MYH13: variants seen among roughly 807,000 people sequenced by gnomAD.
MYH13 encodes myosin heavy chain 13, also known as myosin-13.
A neutral mutation model predicts 232.1 loss-of-function variants in MYH13; 177 were observed. The ratio of observed to expected loss-of-function variants is 0.76; its 90% confidence interval spans 0.67 to 0.86. MYH13 has a LOEUF of 0.86. MYH13 is among the 40% of genes least tolerant of loss of function. The probability of loss-of-function intolerance (pLI) is 0.00; values close to 1 mark genes in which losing one functional copy is unlikely to be tolerated. For synonymous variants in MYH13, 884 were observed against 923.5 expected (o/e 0.96, Z 0.78); for missense variants, 2,246 against 2,405.9 (o/e 0.93, Z 1.39).
chr17:10,366,334 C>A (rs544424539), intron 2 of MYH13, among the ~76,000 whole-genome samples: 1 of 151,230 alleles, frequency 6.6e-6, no homozygotes, highest in African/African-American at 2.4e-5. Flanking sequence ...CACACACACA[C>A]GCACACCCAC....
intron 11 of MYH13, among the ~76,000 whole-genome samples, chr17:10,353,955 G>GGAAGGAAA (rs1181360694): frequency 6.0e-5 from 9 of 150,634 alleles, no homozygotes; most frequent in African/African-American, 2.0e-4. Context: ...AAGGAAGGAA[G>GGAAGGAAA]GAAGGAAGGA....
intron 5 of MYH13, among the ~76,000 whole-genome samples, chr17:10,361,427 G>T (rs2071792473): frequency 6.6e-6 from 1 of 152,022 alleles, no homozygotes; most frequent in Admixed American, 6.5e-5. Flanking sequence ...GAGTAGCTGG[G>T]ATTACAGGCA....
intron 10 of MYH13, 53 bp from the exon 11 acceptor site, chr17:10,354,836 G>GTTT: frequency 6.3e-7 from 1 of 1,580,748 alleles, no homozygotes; most frequent in Non-Finnish European, 8.6e-7. Context: ...ACTCTGGGTT[G>GTTT]TTTTTTTTTT....
chr17:10,370,744 G>C (rs1031684037), intron 2 of MYH13, among the ~76,000 whole-genome samples: 1 of 152,098 alleles, frequency 6.6e-6, no homozygotes, highest in African/African-American at 2.4e-5. Context: ...ATAAACACAC[G>C]TTTTAAGGGG....
chr17:10,343,149 A>G (rs2071632630), intron 16 of MYH13, among the ~76,000 whole-genome samples: 1 of 151,852 alleles, frequency 6.6e-6, no homozygotes, highest in African/African-American at 2.4e-5. Context: ...AAATGTTCTC[A>G]AATTCCACAG....
At chr17:10,325,230 TC>T (rs372645379) in intron 22 of MYH13, among the ~76,000 whole-genome samples, 76 of 152,372 alleles carry the variant, frequency 5.0e-4, no homozygotes, top group African/African-American at 1.8e-3. Context: ...ATCTCACTCT[TC>T]CTGCTACCAC....
At chr17:10,321,789 T>A in intron 23 of MYH13, 81 bp from the exon 24 acceptor site, 1 of 1,322,034 alleles carries the variant, frequency 7.6e-7, no homozygotes. Context: ...GCTTCTTTGC[T>A]CATTTTTCCT....
chr17:10,314,541 G>T (rs549231156), intron 29 of MYH13, among the ~76,000 whole-genome samples: 1 of 152,282 alleles, frequency 6.6e-6, no homozygotes, highest in African/African-American at 2.4e-5. Context: ...TTCAGGCTTG[G>T]GTTCTCACCA....
At chr17:10,320,908 G>T (rs1445103358) in intron 24 of MYH13, among the ~76,000 whole-genome samples, 2 of 152,214 alleles carry the variant, frequency 1.3e-5, no homozygotes, top group Non-Finnish European at 2.9e-5. Flanking sequence ...TGGGAGGCAA[G>T]GAATTCGTGT....
chr17:10,368,939 G>C (rs1196116453), intron 2 of MYH13, among the ~76,000 whole-genome samples: 2 of 152,164 alleles, frequency 1.3e-5, no homozygotes, highest in Non-Finnish European at 2.9e-5. Context: ...CTGATTTTTT[G>C]ATAAGGTCCT....
At position 10,312,717 on chromosome 17, in the gene MYH13, T is replaced by C; in HGVS notation, c.4222A>G (p.Thr1408Ala). Reference protein sequence around the residue: ...AQRLQEAEENTETANSKCASL... With the variant: ...AQRLQEAEENAETANSKCASL... ...GCGCACTTGGAGTTCGCCGTCTCCGTGTTCTCCTCTGCTTCCTGGAGCCTC... is the reference window on the plus strand; with the variant it reads ...GCGCACTTGGAGTTCGCCGTCTCCGCGTTCTCCTCTGCTTCCTGGAGCCTC... Residue 1408 changes from threonine (T) to alanine (A), a missense_variant, in exon 31 of 41, where the codon ACG (threonine) becomes GCG (alanine). Transcript: ENST00000252172. 2 of 1,613,640 alleles carry C rather than the reference T, an allele frequency of 1.2e-6. No homozygotes were observed. The highest frequency in any genetic ancestry group is 1.1e-5 in the South Asian group (1 of 90,980).
At chr17:10,352,110 G>T (rs547274706) in intron 11 of MYH13, among the ~76,000 whole-genome samples, 1 of 152,258 alleles carries the variant, frequency 6.6e-6, no homozygotes, top group South Asian at 2.1e-4. Flanking sequence ...AAAAGAGAAA[G>T]AACTCTTTCA....
intron 20 of MYH13, among the ~76,000 whole-genome samples, chr17:10,330,870 A>T (rs1907386373): frequency 6.6e-6 from 1 of 151,630 alleles, no homozygotes; most frequent in Non-Finnish European, 1.5e-5. Context: ...TACAAAAATT[A>T]TCCGGGCGTG....
chr17:10,346,589 C>T (rs973159852), intron 13 of MYH13, 91 bp downstream of exon 13: 28 of 974,624 alleles, frequency 2.9e-5, no homozygotes, highest in Non-Finnish European at 4.3e-5. Flanking sequence ...ATTTCATGTG[C>T]ATTTCTGATA....
chr17:10,303,582 G>T, intron 37 of MYH13, 84 bp from the exon 38 acceptor site: 7 of 1,170,388 alleles, frequency 6.0e-6, no homozygotes, highest in Non-Finnish European at 8.9e-6. Flanking sequence ...ATTCTAGAGT[G>T]AACTCAAGAT....
intron 2 of MYH13, among the ~76,000 whole-genome samples, chr17:10,366,532 C>G (rs945463600): frequency 2.6e-5 from 4 of 151,916 alleles, no homozygotes; most frequent in Non-Finnish European, 2.9e-5. Flanking sequence ...AGGCGCCCAC[C>G]ACCACACCCG....
rs1485394903 is a variant in MYH13, at chr17:10,354,970, T to C, written c.826A>G (p.Thr276Ala). 1.9e-6 allele frequency: 3 copies of C among 1,610,022 alleles called. No homozygotes were observed. The highest frequency in any genetic ancestry group is 2.7e-5 in the African/African-American group (2 of 74,810). The stretch of plus-strand genomic sequence containing the variant: ...CTTCTCTCACTGGATAATTGAAACG[T>C]CACTCTGGATTTTTCTAACAGATCT... ...ETYLLEKSRV[T>A]FQLSSERSYH... The change falls in exon 10 of 41, where the codon ACG (threonine) becomes GCG (alanine). Residue 276 changes from threonine to alanine, a missense_variant. By Grantham distance (58) the Thr-to-Ala change is moderately conservative (BLOSUM62 0). Coordinates refer to ENST00000252172, the MANE Select transcript of MYH13 (RefSeq NM_003802.3).
intron 27 of MYH13, among the ~76,000 whole-genome samples, chr17:10,316,478 A>G (rs1459733277): frequency 5.3e-5 from 8 of 152,128 alleles, no homozygotes; most frequent in Non-Finnish European, 5.9e-5. Context: ...AAAAATCATA[A>G]TTATTTCAGA....
intron 27 of MYH13, among the ~76,000 whole-genome samples, chr17:10,317,086 G>T (rs1906742790): frequency 6.6e-6 from 1 of 152,132 alleles, no homozygotes; most frequent in South Asian, 2.1e-4. Context: ...GCTTCCCCTG[G>T]ATGTTAAAAT....
Sources: gnomAD v4.1 joint callset for allele counts (sites outside exome capture counted in the v4.1 genomes callset) on GRCh38, gnomAD v4.1.1 for gene constraint, MANE v1.5 for transcripts, NCBI Gene and HGNC (gene_info 2026-07-23, HGNC 2026-07-21) for gene names.